Variants in EPHA4 observed in about 807,000 individuals in gnomAD.
The protein encoded by EPHA4 is EPH receptor A4, also known as ephrin type-A receptor 4.
Under a neutral mutation model 108.3 loss-of-function variants are expected in EPHA4, and 19 were observed. The ratio of observed to expected loss-of-function variants is 0.18; its 90% CI spans 0.12 to 0.26. The LOEUF (loss-of-function observed/expected upper bound fraction) is 0.26. Among genes scored for constraint, EPHA4 ranks in the 10% least tolerant of loss-of-function variants. The pLI is 1.00. For missense variants in EPHA4, 917 were observed against 1,254.0 expected (o/e 0.73, Z 4.06); for synonymous variants, 449 against 455.5 (o/e 0.99, Z 0.18).
At chr2:221,429,056 A>T (rs1478380907) in intron 15 of EPHA4, among the ~76,000 whole-genome samples, 1 of 152,226 alleles carries the variant, frequency 6.6e-6, no homozygotes, top group African/African-American at 2.4e-5. Context: ...CAGGATCATG[A>T]TGAAACAGAA....
chr2:221,435,231 G>A (rs754927202), intron 13 of EPHA4, among the ~76,000 whole-genome samples: 22 of 152,214 alleles, frequency 1.4e-4, no homozygotes, highest in African/African-American at 5.1e-4. Context: ...TCCTTGTTAC[G>A]CACAGAAGGA....
chr2:221,534,809 T>C (rs1680317385), intron 3 of EPHA4, among the ~76,000 whole-genome samples: 1 of 152,190 alleles, frequency 6.6e-6, no homozygotes, highest in Non-Finnish European at 1.5e-5. Flanking sequence ...AGAAACAGTT[T>C]CTGGGGGAAA....
intron 14 of EPHA4, 93 bp downstream of exon 14, chr2:221,434,049 C>T: frequency 4.5e-6 from 6 of 1,338,972 alleles, no homozygotes; most frequent in Non-Finnish European, 6.1e-6. Flanking sequence ...TTTAATGTAT[C>T]ATTTCAAACC....
Position 221,434,301 on chromosome 2 carries a change from T to C in EPHA4, c.2347-10A>G, listed in dbSNP as rs1690165208. On this transcript the variant is annotated splice_polypyrimidine_tract_variant and intron_variant, in intron 13 of 17. Transcript: ENST00000281821. ...TAGGAATCTTGCCACCCTGTGAACA[T>C]TTGAGCCATAAGTTATTCCTTAAGT... The C allele has an allele frequency of 6.2e-7, 1 of 1,613,278 alleles. No homozygotes were observed. The highest frequency in any genetic ancestry group is 8.5e-7 in the Non-Finnish European group (1 of 1,179,696).
intron 2 of EPHA4, among the ~76,000 whole-genome samples, chr2:221,565,039 A>C (rs1273822515): frequency 1.3e-5 from 2 of 152,140 alleles, no homozygotes; most frequent in African/African-American, 4.8e-5. Flanking sequence ...ATATGCTATC[A>C]TTTATAACAG....
chr2:221,496,888 G>A (rs1459690367), intron 4 of EPHA4, among the ~76,000 whole-genome samples: 1 of 152,058 alleles, frequency 6.6e-6, no homozygotes, highest in East Asian at 1.9e-4. Flanking sequence ...CGGCCAGGGT[G>A]ACAAGAGCAA....
intron 17 of EPHA4, among the ~76,000 whole-genome samples, chr2:221,421,166 G>A (rs62178619): frequency 0.17 from 25,738 of 151,918 alleles, 2,474 homozygotes; most frequent in African/African-American, 0.24. Context: ...GCGTGGTGGC[G>A]GGCGCCTGTA....
chr2:221,517,787 C>A (rs559531238), intron 3 of EPHA4, among the ~76,000 whole-genome samples: 3 of 152,204 alleles, frequency 2.0e-5, no homozygotes, highest in Admixed American at 2.0e-4. Context: ...GAATGCCACC[C>A]GCATGTGCTA....
At chr2:221,540,598 A>T (rs1314135696) in intron 3 of EPHA4, among the ~76,000 whole-genome samples, 1 of 152,242 alleles carries the variant, frequency 6.6e-6, no homozygotes, top group Non-Finnish European at 1.5e-5. Flanking sequence ...CCTGTGAAGT[A>T]GGAAAGGCAA....
intron 3 of EPHA4, among the ~76,000 whole-genome samples, chr2:221,546,928 A>T (rs13431598): frequency 2.4e-3 from 367 of 152,320 alleles, no homozygotes; most frequent in African/African-American, 8.5e-3. Context: ...CTGACTCTGA[A>T]TAGCTAAGAG....
At chr2:221,544,768 T>C (rs1693938785) in intron 3 of EPHA4, among the ~76,000 whole-genome samples, 1 of 151,950 alleles carries the variant, frequency 6.6e-6, no homozygotes, top group Admixed American at 6.6e-5. Context: ...GAGGAGTGAA[T>C]AAAAGTTAAA....
In EPHA4 at chr2:221,545,468, T is replaced by A. The variant is rs2680855; in HGVS notation, c.823+18263A>T. On this transcript the variant is annotated intron_variant, in intron 3 of 17. Coordinates refer to ENST00000281821, the MANE Select transcript of EPHA4 (RefSeq NM_004438.5). The stretch of plus-strand genomic sequence containing the variant: ...TGGGCGACAGAGCAAGACTCCATCT[T>A]AAAAAAAACAAAAAACAAAACAAAA... Among the ~76,000 whole-genome samples, 11 of 151,364 alleles carry A rather than the reference T, an allele frequency of 7.3e-5. No homozygotes were observed. In the South Asian group the frequency reaches 1.5e-3, roughly 20 times the overall value.
At chr2:221,431,018 G>T (rs564612052) in intron 14 of EPHA4, among the ~76,000 whole-genome samples, 3 of 152,162 alleles carry the variant, frequency 2.0e-5, no homozygotes, top group African/African-American at 4.8e-5. Flanking sequence ...GTCTTCACAG[G>T]CATTAAATTA....
intron 3 of EPHA4, among the ~76,000 whole-genome samples, chr2:221,522,827 A>G (rs895479929): frequency 2.6e-5 from 4 of 151,730 alleles, no homozygotes; most frequent in Non-Finnish European, 4.4e-5. Context: ...CAGTGGTGCA[A>G]TCTCGGCTCA....
intron 8 of EPHA4, among the ~76,000 whole-genome samples, chr2:221,452,269 C>T (rs971319005): frequency 6.6e-5 from 10 of 152,244 alleles, no homozygotes; most frequent in African/African-American, 2.2e-4. Context: ...GCAGCCCCAT[C>T]GTCAAAGGAC....
rs1014919480 is a variant in EPHA4 at position 221,436,568 on chromosome 2, A to T, written c.2177T>A (p.Met726Lys). ...CATCCCAGACCCAATGCCACGAAGC[A>T]TGCCCACCAGCTGAATGACTGTAAA... ...GRFTVIQLVG[M>K]LRGIGSGMKY... The change falls in exon 13 of 18, where the codon ATG (methionine) becomes AAG (lysine). Residue 726 changes from methionine (M) to lysine (K), a missense_variant. Met to Lys is a moderately conservative substitution (Grantham distance 95, BLOSUM62 -1). Coordinates refer to ENST00000281821, the MANE Select transcript of EPHA4 (RefSeq NM_004438.5). 2 of 1,614,094 alleles carry T rather than the reference A, an allele frequency of 1.2e-6. No homozygotes were observed. Among genetic ancestry groups the T allele is most frequent in the African/African-American group, 2.7e-5 (2 of 74,940 alleles).
intron 3 of EPHA4, among the ~76,000 whole-genome samples, chr2:221,544,218 A>G (rs1372171949): frequency 6.6e-6 from 1 of 152,246 alleles, no homozygotes; most frequent in Admixed American, 6.5e-5. Flanking sequence ...ACCAAGCTAC[A>G]CTGTTATCAC....
At chr2:221,523,868 G>A (rs1196976356) in intron 3 of EPHA4, among the ~76,000 whole-genome samples, 1 of 152,148 alleles carries the variant, frequency 6.6e-6, no homozygotes, top group Non-Finnish European at 1.5e-5. Flanking sequence ...TTACAGGCAT[G>A]AGCCACCGTG....
chr2:221,461,220 T>C (rs1430218), intron 5 of EPHA4, among the ~76,000 whole-genome samples: 143,421 of 152,286 alleles, frequency 0.94, 67,636 homozygotes, highest in East Asian at 1. Flanking sequence ...TATTACATAA[T>C]ATCTCATCGG....
Sources: allele counts gnomAD v4.1 joint callset (sites outside exome capture counted in the v4.1 genomes callset), GRCh38; gene constraint gnomAD v4.1.1; transcripts MANE v1.5; gene names NCBI Gene and HGNC (gene_info 2026-07-23, HGNC 2026-07-21).